The following FAM228B variants were observed in gnomAD, a reference collection of about 807,000 sequenced individuals.
FAM228B encodes protein FAM228B.
FAM228B carries 38 observed loss-of-function variants against 42.6 expected under a neutral mutation model. That is an observed-to-expected ratio of 0.89 (90% CI 0.69 to 1.17). The LOEUF (loss-of-function observed/expected upper bound fraction) is 1.17. Among genes scored for constraint, FAM228B ranks in the 50% most tolerant of loss-of-function variants. The pLI is 0.00. For missense variants in FAM228B, 344 were observed against 367.3 expected, an observed-to-expected ratio of 0.94 and a Z score of 0.52; for synonymous variants, 109 against 122.3, an observed-to-expected ratio of 0.89 and a Z score of 0.72.
intron 3 of FAM228B, among the ~76,000 whole-genome samples, chr2:24,104,056 C>G (rs904893006): frequency 2.6e-5 from 4 of 152,172 alleles, no homozygotes; most frequent in African/African-American, 9.7e-5. Flanking sequence ...GGCCGATCAT[C>G]TGAAAAACCA....
rs1263166461 is a variant in FAM228B at position 24,077,070 on chromosome 2, G to A, written c.-290+101G>A. 1.1e-3 allele frequency: 177 copies of A among 159,496 alleles called. No individual in the cohort carries two copies. Among genetic ancestry groups the A allele is most frequent in the Non-Finnish European group, 2.6e-4 (19 of 72,848 alleles). 9.9% of individuals were successfully genotyped at this position (159,496 alleles called of 1,614,324 possible). A position where few individuals can be genotyped will look rare whatever the true frequency, so the allele number is the denominator to read the frequency against. On this transcript the variant is annotated intron_variant, in intron 1 of 10. Transcript: ENST00000613899. The surrounding 1 kb of genome is among the most constrained non-coding windows in gnomAD (Gnocchi z 5.5). ...GTTGGGGCTGAGGAAAGTGGTGGAG[G>A]TGGGGCGGGGCTCAGATGTGTAGCG... is the stretch of plus-strand genomic sequence containing the variant.
At chr2:24,111,557 C>G (rs1292385539) in intron 3 of FAM228B, among the ~76,000 whole-genome samples, 2 of 152,122 alleles carry the variant, frequency 1.3e-5, no homozygotes, top group Non-Finnish European at 2.9e-5. Flanking sequence ...GCATCCCTGT[C>G]CTCTTTTGGA....
At chr2:24,123,186 G>A (rs79017441), upstream of FAM228B, 363 of 152,516 alleles carry the variant, frequency 2.4e-3, no homozygotes, top group African/African-American at 8.4e-3. Context: ...GACCCAAGGC[G>A]GGGCAGGGGG....
rs1214415917 is a variant in FAM228B at position 24,167,588 on chromosome 2, C to T, written c.933-39C>T. 17 of 1,550,712 alleles carry T rather than the reference C, an allele frequency of 1.1e-5. 1 individual carries two copies. Among genetic ancestry groups the T allele is most frequent in the Admixed American group, 7.9e-5 (4 of 50,950 alleles). On this transcript the variant is annotated intron_variant, in intron 9 of 10. Transcript: ENST00000615575. Reference sequence around the variant, plus strand: ...GTTCAGTAACTAATATGGCCAGTCTCGTATAACATAATGACCAAAGCTTCA... The same window carrying T: ...GTTCAGTAACTAATATGGCCAGTCTTGTATAACATAATGACCAAAGCTTCA...
rs1449074161 is a variant in FAM228B, at chr2:24,139,512, A to G, written c.441+62A>G. ...GTGTTTGGTTGTTTTGAGCAGCCCT[A>G]ATATATGAGCAGTCCTTAAGCGATT... is the stretch of plus-strand genomic sequence containing the variant. On this transcript the variant is annotated intron_variant, in intron 5 of 10. Transcript: ENST00000615575. 6.3e-6 allele frequency: 6 copies of G among 947,396 alleles called. No homozygotes were observed. The African/African-American group carries it at 6.6e-5, about 10-fold the overall frequency. 58.7% of individuals were successfully genotyped at this position (947,396 alleles called of 1,614,324 possible).
At chr2:24,168,557 A>C (rs1667484670) in intron 10 of FAM228B, among the ~76,000 whole-genome samples, 1 of 152,184 alleles carries the variant, frequency 6.6e-6, no homozygotes, top group Non-Finnish European at 1.5e-5. Flanking sequence ...AGCTGATTAG[A>C]GTGGGTTCAG....
intron 2 of FAM228B, among the ~76,000 whole-genome samples, chr2:24,127,517 G>C (rs1197683120): frequency 1.3e-5 from 2 of 152,172 alleles, no homozygotes; most frequent in East Asian, 3.8e-4. Flanking sequence ...TTGAGGAACT[G>C]CTGAACTGTT....
At chr2:24,104,138 G>A (rs1665661596) in intron 3 of FAM228B, among the ~76,000 whole-genome samples, 1 of 152,148 alleles carries the variant, frequency 6.6e-6, no homozygotes, top group African/African-American at 2.4e-5. Context: ...CAGCTGTTTG[G>A]GCTCAGCATG....
In FAM228B at chr2:24,135,186, A is replaced by T. The variant is rs1486601823; in HGVS notation, c.167A>T (p.Lys56Met). 1 of 1,477,274 alleles carries T rather than the reference A, an allele frequency of 6.8e-7. No individual in the cohort carries two copies. Among genetic ancestry groups the T allele is most frequent in the African/African-American group, 1.4e-5 (1 of 70,894 alleles). 91.5% of individuals were successfully genotyped at this position (1,477,274 alleles called of 1,614,324 possible). ...SILYKENSVI[K>M]ELDKYLQHHA... ...TTATACAAAGAAAATTCTGTAATTA[A>T]GGTAAGAATTGGCTACAAAATGCAT... The change falls in exon 3 of 11, where the codon AAG becomes ATG. Residue 56 changes from lysine to methionine, a missense_variant and splice_region_variant. By Grantham distance (95) the Lys-to-Met change is moderately conservative. Coordinates refer to ENST00000615575, the MANE Select transcript of FAM228B (RefSeq NM_001145710.2).
chr2:24,160,061 T>A lies in FAM228B; in HGVS notation c.687-1445T>A, dbSNP rs550283737. On this transcript the variant is annotated intron_variant, in intron 7 of 10. Transcript: ENST00000615575. Reference sequence around the variant, plus strand: ...TGGAGTGCAGTGGCGTGACCTTGGCTAACTGCAGCCTTGATCTCCTGGGCT... The same window carrying A: ...TGGAGTGCAGTGGCGTGACCTTGGCAAACTGCAGCCTTGATCTCCTGGGCT... 4.6e-5 allele frequency among the ~76,000 whole-genome samples: 7 copies of A among 151,890 alleles called. No homozygotes were observed. The South Asian group carries it at 1.5e-3, about 32-fold the overall frequency.
At chr2:24,092,218 CAAAAAAAAAAAAAAA>C (rs34189159) in intron 2 of FAM228B, among the ~76,000 whole-genome samples, 346 of 30,008 alleles carry the variant, frequency 0.012, 7 homozygotes, top group Admixed American at 0.032. Context: ...GACTCTGTCT[CAAAAAAAAAAAAAAA>C]AAAAAAAAAA....
chr2:24,082,863 G>A (rs1665065417), intron 2 of FAM228B: 1 of 1,584,766 alleles, frequency 6.3e-7, no homozygotes, highest in African/African-American at 1.3e-5. Flanking sequence ...ATTGTGTGGA[G>A]TGAGCATGGA....
Position 24,084,136 on chromosome 2 carries a change from G to A in FAM228B, c.-210+3181G>A. ...TGGTCAATGTCCACTGAGTGCTGTT[G>A]AGAGGGAGGCTCTGGAGTCCCGCCC... On this transcript the variant is annotated intron_variant, in intron 2 of 10. Transcript: ENST00000613899. This position sits in a 1 kb window ranked among gnomAD's most constrained non-coding sequence, Gnocchi z 8.4. 1.3e-6 allele frequency: 2 copies of A among 1,568,160 alleles called. No individual in the cohort carries two copies. Among genetic ancestry groups the A allele is most frequent in the Non-Finnish European group, 1.7e-6 (2 of 1,161,438 alleles).
rs565585727 is a variant in FAM228B, at chr2:24,126,803, A to G, written c.99+2343A>G. On this transcript the variant is annotated intron_variant, in intron 2 of 10. Coordinates refer to ENST00000615575, the MANE Select transcript of FAM228B (RefSeq NM_001145710.2). ...TTTTTGTTTTTGTATTTTTACAAAA[A>G]AAAAGTAGAGAGGGGTTTCACCACG... is the stretch of plus-strand genomic sequence containing the variant. Among the ~76,000 whole-genome samples, 573 of 105,258 alleles carry G rather than the reference A, an allele frequency of 5.4e-3. 4 individuals carry two copies. The highest frequency in any genetic ancestry group is 0.021 in the African/African-American group (551 of 26,214). The allele number at this position is 105,258 out of a possible 152,430, so 69.1% of individuals were successfully genotyped here. A position where few individuals can be genotyped will look rare whatever the true frequency, so the allele number is the denominator to read the frequency against.
At chr2:24,148,787 C>T (rs371864502) in intron 7 of FAM228B, among the ~76,000 whole-genome samples, 1 of 151,974 alleles carries the variant, frequency 6.6e-6, no homozygotes, top group African/African-American at 2.4e-5. Flanking sequence ...ACTATAGTCC[C>T]CTTGTTGTGC....
intron 3 of FAM228B, among the ~76,000 whole-genome samples, chr2:24,136,385 G>A (rs1474729688): frequency 6.6e-6 from 1 of 152,102 alleles, no homozygotes; most frequent in Non-Finnish European, 1.5e-5. Flanking sequence ...CAGCATGCCC[G>A]GCTAACTTTT....
chr2:24,093,643 T>C (rs1395777564), intron 2 of FAM228B, among the ~76,000 whole-genome samples: 4 of 150,742 alleles, frequency 2.7e-5, no homozygotes, highest in Non-Finnish European at 4.4e-5. Context: ...TGAGACAGAA[T>C]CTTGCTGTGT....
In FAM228B at chr2:24,077,476, C is replaced by G; in HGVS notation, c.-290+507C>G. ...TTCCTCATATCAGCTTTAAACGGCT[C>G]TGGAGGAAGCACCGGGTTTCTTGGC... On this transcript the variant is annotated intron_variant, in intron 1 of 10. Transcript: ENST00000613899. The surrounding 1 kb of genome is among the most constrained non-coding windows in gnomAD (Gnocchi z 5.5). The G allele has an allele frequency of 7.4e-7, 1 of 1,360,166 alleles. No individual in the cohort carries two copies. The highest frequency in any genetic ancestry group is 9.8e-7 in the Non-Finnish European group (1 of 1,016,906). The allele number at this position is 1,360,166 out of a possible 1,614,324, so 84.3% of individuals were successfully genotyped here. A position where few individuals can be genotyped will look rare whatever the true frequency, so the allele number is the denominator to read the frequency against.
intron 3 of FAM228B, among the ~76,000 whole-genome samples, chr2:24,100,944 T>A (rs528675772): frequency 8.7e-4 from 133 of 152,312 alleles, no homozygotes; most frequent in Middle Eastern, 3.4e-3. Flanking sequence ...TAAAAAAGGA[T>A]GAGTTCATGT....
Sources: gnomAD v4.1 joint callset for allele counts (sites outside exome capture counted in the v4.1 genomes callset) on GRCh38, gnomAD v4.1.1 for gene constraint, Gnocchi (gnomAD v3.1) non-coding constraint, MANE v1.5 for transcripts, NCBI Gene and HGNC (gene_info 2026-07-23, HGNC 2026-07-21) for gene names.